SPECC1: variants seen among roughly 807,000 people sequenced by gnomAD.
The protein encoded by SPECC1 is sperm antigen with calponin homology and coiled-coil domains 1.
In SPECC1, 62 loss-of-function variants were observed where a neutral mutation model predicts 104.1. The observed-to-expected ratio is 0.60, with a 90% CI of 0.49 to 0.74. The LOEUF (loss-of-function observed/expected upper bound fraction) is 0.74, where lower values mean the gene tolerates loss of function less well. Ranked by LOEUF, SPECC1 falls within the 30% of genes least tolerant of loss-of-function variation. The pLI, the probability that SPECC1 is intolerant of heterozygous loss-of-function variation, is 0.00. For missense variants in SPECC1, 1,306 were observed against 1,310.5 expected, an observed-to-expected ratio of 1.00 and a Z score of 0.05; for synonymous variants, 513 against 501.6, an observed-to-expected ratio of 1.02 and a Z score of -0.30.
chr17:20,104,038 A>G (rs961623418), intron 2 of SPECC1, among the ~76,000 whole-genome samples: 2 of 152,166 alleles, frequency 1.3e-5, no homozygotes, highest in African/African-American at 4.8e-5. Context: ...TGGCATTTCT[A>G]TGTTTGTGGA....
Position 20,280,674 on chromosome 17 carries a change from T to C in SPECC1, c.2941-16287T>C, listed in dbSNP as rs951125370. Among the ~76,000 whole-genome samples, 4 of 152,352 alleles carry C rather than the reference T, an allele frequency of 2.6e-5. No individual in the cohort carries two copies. In the East Asian group the frequency reaches 7.7e-4, roughly 29 times the overall value. The stretch of plus-strand genomic sequence containing the variant: ...GGCTGCTGAGCACTTAAAAGATTCC[T>C]AATGTGACTGAGAAATGGAATTTTG... On this transcript the variant is annotated intron_variant, in intron 12 of 14. Transcript: ENST00000395527.
intron 4 of SPECC1, among the ~76,000 whole-genome samples, chr17:20,210,949 C>T: frequency 6.6e-6 from 1 of 152,194 alleles, no homozygotes; most frequent in East Asian, 1.9e-4. Flanking sequence ...ATTACCTGGT[C>T]CCTCCTGAAG....
chr17:20,317,802 T>G lies in SPECC1; in HGVS notation c.*3737T>G, dbSNP rs1332594719. 1 of 224,928 alleles carries G rather than the reference T, an allele frequency of 4.4e-6. No homozygotes were observed. The highest frequency in any genetic ancestry group is 8.8e-6 in the Non-Finnish European group (1 of 113,012). The allele number at this position is 224,928 out of a possible 1,614,324, so 13.9% of individuals were successfully genotyped here. ...TCTGCTGGGGTCCTGGAACTGTGAC[T>G]GATGGCCTCAGGAGTCCAGGAATAG... is the stretch of plus-strand genomic sequence containing the variant. On this transcript the variant is annotated 3_prime_UTR_variant, in exon 15 of 15. Coordinates refer to ENST00000395527, the MANE Select transcript of SPECC1 (RefSeq NM_001243439.2).
intron 1 of SPECC1, among the ~76,000 whole-genome samples, chr17:20,054,313 C>G (rs1205397591): frequency 2.0e-5 from 3 of 152,324 alleles, no homozygotes; most frequent in Admixed American, 2.0e-4. Flanking sequence ...CTTTCCAGCT[C>G]CTGTCTCTCC....
At chr17:20,112,031 T>C in intron 3 of SPECC1, 1 of 770,082 alleles carries the variant, frequency 1.3e-6, no homozygotes, top group Non-Finnish European at 2.4e-6. Context: ...AGGAGAGCCA[T>C]TTATTGATCC....
intron 12 of SPECC1, among the ~76,000 whole-genome samples, chr17:20,268,911 T>C (rs901288520): frequency 4.6e-5 from 7 of 152,146 alleles, no homozygotes; most frequent in African/African-American, 1.7e-4. Flanking sequence ...GGTATGAAAC[T>C]TCAAGGAATA....
intron 4 of SPECC1, among the ~76,000 whole-genome samples, chr17:20,213,818 T>G (rs1295446607): frequency 6.6e-6 from 1 of 152,140 alleles, no homozygotes; most frequent in Non-Finnish European, 1.5e-5. Context: ...AGTGGCCTGG[T>G]GGAGACACCA....
intron 1 of SPECC1, among the ~76,000 whole-genome samples, chr17:20,079,333 T>C (rs1261604991): frequency 6.6e-6 from 1 of 152,158 alleles, no homozygotes; most frequent in Non-Finnish European, 1.5e-5. Flanking sequence ...CAGGGTCTCT[T>C]CTGTCACCCA....
intron 14 of SPECC1, among the ~76,000 whole-genome samples, chr17:20,310,016 T>C (rs568465581): frequency 5.3e-5 from 8 of 152,092 alleles, no homozygotes; most frequent in African/African-American, 1.9e-4. Context: ...GAAATGGGGT[T>C]TCATCATGTT....
chr17:20,195,258 T>C (rs1263613518), intron 3 of SPECC1, among the ~76,000 whole-genome samples: 1 of 152,198 alleles, frequency 6.6e-6, no homozygotes, highest in Admixed American at 6.5e-5. Context: ...AAGACAGTCA[T>C]CTCTGGATGA....
intron 12 of SPECC1, among the ~76,000 whole-genome samples, chr17:20,287,070 C>G (rs1406571120): frequency 2.0e-5 from 3 of 152,244 alleles, no homozygotes; most frequent in Non-Finnish European, 4.4e-5. Flanking sequence ...GGGTGCAACA[C>G]ACTGCATAGC....
chr17:20,163,676 G>A (rs977365328), intron 3 of SPECC1, among the ~76,000 whole-genome samples: 2 of 150,962 alleles, frequency 1.3e-5, no homozygotes, highest in African/African-American at 4.9e-5. Flanking sequence ...TCCTCTCACT[G>A]CAGCCTCCCG....
At chr17:20,029,192 A>T (rs1475442145) in intron 1 of SPECC1, among the ~76,000 whole-genome samples, 2 of 152,184 alleles carry the variant, frequency 1.3e-5, no homozygotes, top group Non-Finnish European at 2.9e-5. Context: ...TTCTTTTAAC[A>T]GTGTTTTGTA....
intron 1 of SPECC1, among the ~76,000 whole-genome samples, chr17:20,037,511 T>A (rs1170185248): frequency 6.6e-6 from 1 of 151,818 alleles, no homozygotes; most frequent in East Asian, 1.9e-4. Flanking sequence ...TTCTGACTGT[T>A]CCTGCAGAGC....
At chr17:20,238,866 CA>C in intron 7 of SPECC1, 2 of 1,044,012 alleles carry the variant, frequency 1.9e-6, no homozygotes, top group Non-Finnish European at 2.3e-6. Context: ...TTATGAAGTG[CA>C]AAATAAACAT....
rs578153292 is a variant in SPECC1, at chr17:20,156,767, G to A, written c.283+46205G>A. On this transcript the variant is annotated intron_variant, in intron 3 of 14. Transcript: ENST00000395527. ...ATCCCGTTTTTACTTCCTCAGTCCT[G>A]AGTGAGCTTCGTGGAGTCAGTTGGG... Among the ~76,000 whole-genome samples, 41 of 152,298 alleles carry A rather than the reference G, an allele frequency of 2.7e-4. No individual in the cohort carries two copies. In the South Asian group the frequency reaches 8.3e-3, roughly 31 times the overall value.
chr17:20,076,238 C>T (rs938045930), intron 1 of SPECC1, among the ~76,000 whole-genome samples: 3 of 152,222 alleles, frequency 2.0e-5, no homozygotes, highest in African/African-American at 7.2e-5. Flanking sequence ...CTCACTCTGT[C>T]GCCTAGGCTG....
At chr17:20,261,360 G>A (rs990296801) in intron 12 of SPECC1, among the ~76,000 whole-genome samples, 2 of 151,904 alleles carry the variant, frequency 1.3e-5, no homozygotes, top group African/African-American at 4.8e-5. Flanking sequence ...AAATTAGCCG[G>A]GCGTGGTGGC....
intron 3 of SPECC1, among the ~76,000 whole-genome samples, chr17:20,183,941 CAGGCGGATTG>C (rs1045306099): frequency 7.3e-5 from 11 of 151,638 alleles, no homozygotes; most frequent in African/African-American, 2.7e-4. Context: ...GAGGCCGAGG[CAGGCGGATTG>C]TCTGAGCTCA....
Sources: gnomAD v4.1 joint callset for allele counts (sites outside exome capture counted in the v4.1 genomes callset) on GRCh38, gnomAD v4.1.1 for gene constraint, MANE v1.5 for transcripts, NCBI Gene and HGNC (gene_info 2026-07-23, HGNC 2026-07-21) for gene names.